Variants in TMED10 observed in about 807,000 individuals in gnomAD.
TMED10 encodes transmembrane p24 trafficking protein 10, also known as transmembrane emp24 domain-containing protein 10.
TMED10 carries 7 observed loss-of-function variants against 23.1 expected under a neutral mutation model. The observed-to-expected ratio is 0.30, with a 90% CI of 0.17 to 0.57. TMED10 has a LOEUF of 0.57. Ranked by LOEUF, TMED10 falls within the 20% of genes least tolerant of loss-of-function variation. TMED10 has a pLI of 0.91. For synonymous variants in TMED10, 113 were observed against 106.9 expected (o/e 1.06, Z -0.35); for missense variants, 162 against 274.8 (o/e 0.59, Z 2.90).
intron 2 of TMED10, among the ~76,000 whole-genome samples, chr14:75,150,497 G>A (rs532467469): frequency 1.0e-3 from 155 of 152,296 alleles, no homozygotes; most frequent in African/African-American, 3.5e-3. Context: ...TTCAGTCGAG[G>A]ACAGACTGCA....
rs774885017 is a variant in TMED10 at position 75,147,733 on chromosome 14, T to C, written c.342A>G (p.Thr114=). The part of the protein sequence containing the change: ...MFEVCFESKG[T]GRIPDQLVIL... ...TCACGAGTTGGTCAGGTATCCGCCCTGTTCCTGAGAAAGAAATCAAAGGAA... is the reference window on the plus strand; with the variant it reads ...TCACGAGTTGGTCAGGTATCCGCCCCGTTCCTGAGAAAGAAATCAAAGGAA... Residue 114 remains threonine (T), a synonymous_variant, in exon 3 of 5, where the codon ACA becomes ACG. Transcript: ENST00000303575. 1.8e-5 allele frequency: 29 copies of C among 1,614,010 alleles called. No homozygotes were observed. Among genetic ancestry groups the C allele is most frequent in the Non-Finnish European group, 2.2e-5 (26 of 1,180,030 alleles).
intron 2 of TMED10, among the ~76,000 whole-genome samples, chr14:75,149,322 C>G (rs1895927748): frequency 1.3e-5 from 2 of 152,212 alleles, no homozygotes; most frequent in Non-Finnish European, 2.9e-5. Flanking sequence ...GTGAGTTCAG[C>G]CCCTTCTTGC....
chr14:75,140,434 G>A, intron 3 of TMED10, among the ~76,000 whole-genome samples: 1 of 152,064 alleles, frequency 6.6e-6, no homozygotes, highest in East Asian at 1.9e-4. Context: ...TTAGCCAGGT[G>A]TGGTGGCTCA....
intron 1 of TMED10, among the ~76,000 whole-genome samples, chr14:75,172,044 T>C (rs1896240876): frequency 6.6e-6 from 1 of 152,132 alleles, no homozygotes; most frequent in Non-Finnish European, 1.5e-5. Flanking sequence ...GTTACATCTT[T>C]ACAGCTGATT....
intron 3 of TMED10, 78 bp from the exon 4 acceptor site, chr14:75,135,964 C>T: frequency 6.4e-7 from 1 of 1,563,822 alleles, no homozygotes; most frequent in Non-Finnish European, 8.6e-7. Context: ...ACAGAGAAGT[C>T]TTTTTTAAAG....
chr14:75,149,093 T>C (rs1403220658), intron 2 of TMED10, among the ~76,000 whole-genome samples: 1 of 151,970 alleles, frequency 6.6e-6, no homozygotes, highest in Non-Finnish European at 1.5e-5. Flanking sequence ...ATTTTTGTAT[T>C]TTTTGTAGAG....
intron 1 of TMED10, among the ~76,000 whole-genome samples, chr14:75,164,555 ATATATATATATATATATATATATTTTTTT>A (rs1348448695): frequency 7.1e-3 from 88 of 12,428 alleles, no homozygotes; most frequent in South Asian, 0.018. Flanking sequence ...ATATATATAT[ATATATATATATATATATATATATTTTTTT>A]TTTTTTTTTT....
At chr14:75,163,100 G>A (rs550801296) in intron 1 of TMED10, among the ~76,000 whole-genome samples, 1 of 151,892 alleles carries the variant, frequency 6.6e-6, no homozygotes, top group Non-Finnish European at 1.5e-5. Flanking sequence ...AAATTAGTTT[G>A]GTGTGGTGGT....
chr14:75,176,186 G>T, intron 1 of TMED10, 169 bp downstream of exon 1: 1 of 799,864 alleles, frequency 1.3e-6, no homozygotes, highest in Non-Finnish European at 1.9e-6. Flanking sequence ...CCCGCCCCGC[G>T]ACAGGCAACC....
intron 1 of TMED10, among the ~76,000 whole-genome samples, chr14:75,154,461 AAAT>A (rs1308920056): frequency 2.7e-5 from 4 of 147,170 alleles, no homozygotes; most frequent in African/African-American, 7.4e-5. Flanking sequence ...TTATATTCAA[AAAT>A]AATAATAAAG....
chr14:75,146,245 G>A (rs1895881824), intron 3 of TMED10, among the ~76,000 whole-genome samples: 1 of 152,136 alleles, frequency 6.6e-6, no homozygotes, highest in South Asian at 2.1e-4. Context: ...TCATTCAATT[G>A]AGGATTTGAA....
chr14:75,138,747 C>A (rs1895783279), intron 3 of TMED10, among the ~76,000 whole-genome samples: 1 of 150,968 alleles, frequency 6.6e-6, no homozygotes, highest in South Asian at 2.1e-4. Context: ...TGTGCCTCTG[C>A]CAGCTGAAAA....
chr14:75,157,461 G>A (rs1322673983), intron 1 of TMED10, among the ~76,000 whole-genome samples: 4 of 152,060 alleles, frequency 2.6e-5, no homozygotes, highest in Non-Finnish European at 5.9e-5. Context: ...AGACCAGCCT[G>A]GGCAATATAG....
chr14:75,146,894 C>T (rs2139839308), intron 3 of TMED10, among the ~76,000 whole-genome samples: 1 of 142,388 alleles, frequency 7.0e-6, no homozygotes, highest in Middle Eastern at 3.4e-3. Flanking sequence ...CTAAACAGCA[C>T]TGAATCCATG....
Position 75,152,156 on chromosome 14 carries a change from A to C in TMED10, c.226-13T>G, listed in dbSNP as rs774347047. On this transcript the variant is annotated splice_polypyrimidine_tract_variant and intron_variant, in intron 1 of 4. Coordinates refer to ENST00000303575, the MANE Select transcript of TMED10 (RefSeq NM_006827.6). ...CAGAATCTGTGATCTAAAATAAGAA[A>C]AGTAGTAAGAATAGGCAGCAAATAA... The C allele has an allele frequency of 8.7e-6, 14 of 1,604,742 alleles. No individual in the cohort carries two copies. In the Admixed American group the frequency reaches 2.3e-4, roughly 27 times the overall value.
intron 1 of TMED10, among the ~76,000 whole-genome samples, chr14:75,156,524 A>G (rs930275346): frequency 6.6e-6 from 1 of 152,192 alleles, no homozygotes; most frequent in Non-Finnish European, 1.5e-5. Flanking sequence ...GTGTTATAGG[A>G]AAAGCCAATG....
At chr14:75,140,841 C>CT (rs1288674500) in intron 3 of TMED10, among the ~76,000 whole-genome samples, 1 of 152,104 alleles carries the variant, frequency 6.6e-6, no homozygotes, top group Non-Finnish European at 1.5e-5. Context: ...AGGTGGATTG[C>CT]TGGAGACCAG....
chr14:75,169,365 T>C (rs192474399), intron 1 of TMED10, among the ~76,000 whole-genome samples: 1 of 152,284 alleles, frequency 6.6e-6, no homozygotes, highest in African/African-American at 2.4e-5. Flanking sequence ...GAGACCCTTA[T>C]AAGAAAGACT....
intron 1 of TMED10, among the ~76,000 whole-genome samples, chr14:75,171,666 C>T (rs1466081576): frequency 2.6e-5 from 4 of 152,224 alleles, no homozygotes; most frequent in Non-Finnish European, 5.9e-5. Context: ...CTGATCCCCA[C>T]CCCACTCCCA....
Sources: gnomAD v4.1 joint callset for allele counts (sites outside exome capture counted in the v4.1 genomes callset) on GRCh38, gnomAD v4.1.1 for gene constraint, MANE v1.5 for transcripts, NCBI Gene and HGNC (gene_info 2026-07-23, HGNC 2026-07-21) for gene names.